The following CDYL2 variants were observed in gnomAD, a reference collection of about 807,000 sequenced individuals.
CDYL2 encodes chromodomain Y like 2.
CDYL2 carries 23 observed loss-of-function variants against 49.4 expected under a neutral mutation model. That is an observed-to-expected ratio of 0.47 (90% CI 0.34 to 0.66). CDYL2 has a LOEUF of 0.66. Ranked by LOEUF, CDYL2 falls within the 30% of genes least tolerant of loss-of-function variation. The pLI, the probability that CDYL2 is intolerant of heterozygous loss-of-function variation, is 0.01. For missense variants in CDYL2, 678 were observed against 656.4 expected (o/e 1.03, Z -0.36); for synonymous variants, 360 against 268.8 (o/e 1.34, Z -3.32).
intron 1 of CDYL2, among the ~76,000 whole-genome samples, chr16:80,761,098 G>A (rs768574748): frequency 3.3e-5 from 5 of 152,166 alleles, no homozygotes; most frequent in Admixed American, 6.5e-5. Context: ...GTACAAGGAC[G>A]CCAGCATCAC....
chr16:80,690,296 T>C (rs1910364546), intron 1 of CDYL2, among the ~76,000 whole-genome samples: 1 of 151,946 alleles, frequency 6.6e-6, no homozygotes, highest in South Asian at 2.1e-4. Context: ...ACTCAGCCTG[T>C]AGAGATGAGA....
chr16:80,684,936 C>A lies in CDYL2; in HGVS notation c.218G>T (p.Ser73Ile). ...DKRIKSGKQSSTSKLLRDSRG... is the reference protein window; with the variant it reads ...DKRIKSGKQSITSKLLRDSRG... ...ACTGTCACGCAGCAGCTTGGAGGTACTGGACTGCTTCCCTGACTTGATCCT... is the reference window on the plus strand; with the variant it reads ...ACTGTCACGCAGCAGCTTGGAGGTAATGGACTGCTTCCCTGACTTGATCCT... The change falls in exon 2 of 7, where the codon AGT becomes ATT. Residue 73 changes from serine (S) to isoleucine (I), a missense_variant. By Grantham distance (142) the Ser-to-Ile change is moderately radical (BLOSUM62 -2). Around this residue, in one of 3 missense-constraint regions of CDYL2, gnomAD observed 478 missense variants for 427.0 expected, o/e 1.12. Transcript: ENST00000570137. 6.2e-7 allele frequency: 1 copy of A among 1,614,214 alleles called. No individual in the cohort carries two copies. The highest frequency in any genetic ancestry group is 2.2e-5 in the East Asian group (1 of 44,880).
intron 3 of CDYL2, among the ~76,000 whole-genome samples, chr16:80,632,082 C>T (rs1278048886): frequency 6.6e-6 from 1 of 152,012 alleles, no homozygotes; most frequent in African/African-American, 2.4e-5. Flanking sequence ...ATCCAAGAAA[C>T]CTGAAAATAT....
At position 80,604,258 on chromosome 16, in the gene CDYL2, C is replaced by A. The variant is rs1402254304; in HGVS notation, c.*130G>T. 1 of 1,024,106 alleles carries A rather than the reference C, an allele frequency of 9.8e-7. No homozygotes were observed. Among genetic ancestry groups the A allele is most frequent in the Non-Finnish European group, 1.4e-6 (1 of 693,986 alleles). The allele number at this position is 1,024,106 out of a possible 1,614,324, so 63.4% of individuals were successfully genotyped here. ...ACCAAGGAGGAGCAACCAAAGGACA[C>A]GAGGAAATGGACACAACCCTACGTA... On this transcript the variant is annotated 3_prime_UTR_variant, in exon 7 of 7. Coordinates refer to ENST00000570137, the MANE Select transcript of CDYL2 (RefSeq NM_152342.4).
chr16:80,774,182 AT>A (rs1419925355), intron 1 of CDYL2, among the ~76,000 whole-genome samples: 2 of 152,228 alleles, frequency 1.3e-5, no homozygotes, highest in Non-Finnish European at 2.9e-5. Flanking sequence ...AAGAAAATTT[AT>A]TTGATACATA....
intron 1 of CDYL2, among the ~76,000 whole-genome samples, chr16:80,744,002 G>A (rs928090827): frequency 6.6e-6 from 1 of 152,156 alleles, no homozygotes; most frequent in African/African-American, 2.4e-5. Context: ...ACTGGAGTGA[G>A]TCATATAGAC....
At chr16:80,639,893 G>A (rs572240279) in intron 2 of CDYL2, among the ~76,000 whole-genome samples, 12 of 152,282 alleles carry the variant, frequency 7.9e-5, no homozygotes, top group East Asian at 7.7e-4. Context: ...CTCAGCTGAC[G>A]TCTACCCAAT....
chr16:80,740,781 A>G (rs1212754785), intron 1 of CDYL2, among the ~76,000 whole-genome samples: 1 of 152,038 alleles, frequency 6.6e-6, no homozygotes, highest in East Asian at 1.9e-4. Flanking sequence ...GCTTAGAAAT[A>G]TATTTAATGA....
chr16:80,761,640 A>G (rs1481850333), intron 1 of CDYL2, among the ~76,000 whole-genome samples: 1 of 152,100 alleles, frequency 6.6e-6, no homozygotes, highest in Non-Finnish European at 1.5e-5. Context: ...GGCCAGGAAG[A>G]CCAGATCTTA....
chr16:80,676,276 G>GAGGAA (rs1165808524), intron 2 of CDYL2, among the ~76,000 whole-genome samples: 1 of 152,210 alleles, frequency 6.6e-6, no homozygotes, highest in African/African-American at 2.4e-5. Flanking sequence ...TGTTGTTACT[G>GAGGAA]ACTTGGAAAA....
intron 2 of CDYL2, among the ~76,000 whole-genome samples, chr16:80,674,694 A>G (rs772923500): frequency 6.6e-5 from 10 of 152,232 alleles, no homozygotes; most frequent in Non-Finnish European, 1.3e-4. Context: ...GACATTTGAC[A>G]TAAGTGGAAT....
At chr16:80,772,620 T>C (rs1481121606) in intron 1 of CDYL2, among the ~76,000 whole-genome samples, 7 of 151,940 alleles carry the variant, frequency 4.6e-5, no homozygotes, top group Non-Finnish European at 1.0e-4. Flanking sequence ...GCCCGGCTAA[T>C]GTTTGTATTT....
chr16:80,651,005 G>C (rs1006078391), intron 2 of CDYL2, among the ~76,000 whole-genome samples: 1 of 151,342 alleles, frequency 6.6e-6, no homozygotes, highest in Non-Finnish European at 1.5e-5. Flanking sequence ...TGGTTAAGGA[G>C]TACAAAAAAA....
At chr16:80,619,512 C>G (rs1388175389) in intron 4 of CDYL2, among the ~76,000 whole-genome samples, 1 of 152,158 alleles carries the variant, frequency 6.6e-6, no homozygotes, top group Non-Finnish European at 1.5e-5. Context: ...CAAAAATGGG[C>G]ACTTGTTTCT....
At chr16:80,677,794 C>A (rs1272902763) in intron 2 of CDYL2, among the ~76,000 whole-genome samples, 1 of 151,618 alleles carries the variant, frequency 6.6e-6, no homozygotes, top group East Asian at 1.9e-4. Flanking sequence ...AAAGAGCCCA[C>A]ATTGCCAAGT....
At chr16:80,797,918 T>A (rs142978064) in intron 1 of CDYL2, among the ~76,000 whole-genome samples, 6 of 152,352 alleles carry the variant, frequency 3.9e-5, no homozygotes, top group African/African-American at 1.4e-4. Context: ...TCTGGGAATA[T>A]GTATCAACAG....
chr16:80,619,597 GGA>G, intron 4 of CDYL2, among the ~76,000 whole-genome samples: 1 of 152,166 alleles, frequency 6.6e-6, no homozygotes, highest in East Asian at 1.9e-4. Context: ...TTTGATACAT[GGA>G]AAGGCAGTAG....
At chr16:80,719,870 T>C (rs1238298874) in intron 1 of CDYL2, among the ~76,000 whole-genome samples, 1 of 152,210 alleles carries the variant, frequency 6.6e-6, no homozygotes, top group African/African-American at 2.4e-5. Flanking sequence ...TGTTGGGACC[T>C]GCCTTGGCTA....
chr16:80,791,814 T>C (rs1907619521), intron 1 of CDYL2, among the ~76,000 whole-genome samples: 1 of 152,214 alleles, frequency 6.6e-6, no homozygotes, highest in African/African-American at 2.4e-5. Flanking sequence ...TAAAGGCATT[T>C]AATCAGGAAA....
Sources: gnomAD v4.1 joint callset for allele counts (sites outside exome capture counted in the v4.1 genomes callset) on GRCh38, gnomAD v4.1.1 for gene constraint, gnomAD v4.1.1 regional missense constraint, MANE v1.5 for transcripts, NCBI Gene and HGNC (gene_info 2026-07-23, HGNC 2026-07-21) for gene names.